The following TIAM1 variants were observed in gnomAD, a reference collection of about 807,000 sequenced individuals.
TIAM1 encodes rho guanine nucleotide exchange factor TIAM1.
Under a neutral mutation model 163.5 loss-of-function variants are expected in TIAM1, and 65 were observed. The observed-to-expected ratio is 0.40, with a 90% confidence interval of 0.33 to 0.49. The LOEUF (loss-of-function observed/expected upper bound fraction) is 0.49, where lower values mean the gene tolerates loss of function less well. TIAM1 is among the 20% of genes least tolerant of loss of function. The pLI, the probability that TIAM1 is intolerant of heterozygous loss-of-function variation, is 0.77. For synonymous variants in TIAM1, 833 were observed against 810.1 expected (o/e 1.03, Z -0.48); for missense variants, 1,789 against 2,044.7 (o/e 0.87, Z 2.41).
intron 2 of TIAM1, among the ~76,000 whole-genome samples, chr21:31,320,709 T>G (rs1036930305): frequency 1.3e-5 from 2 of 151,690 alleles, no homozygotes; most frequent in African/African-American, 4.8e-5. Context: ...AAAAGGAGAG[T>G]TGGGCTGGGC....
chr21:31,418,807 C>A (rs1170433031), intron 2 of TIAM1, among the ~76,000 whole-genome samples: 2 of 152,192 alleles, frequency 1.3e-5, no homozygotes, highest in East Asian at 3.9e-4. Context: ...TGCACAGAAT[C>A]AGCTTCAGAG....
chr21:31,409,365 C>T (rs1180845565), intron 2 of TIAM1, among the ~76,000 whole-genome samples: 1 of 152,226 alleles, frequency 6.6e-6, no homozygotes, highest in Non-Finnish European at 1.5e-5. Flanking sequence ...GCCTCGGCCT[C>T]CCAAAGTGTC....
chr21:31,295,293 A>G lies in TIAM1; in HGVS notation c.-188-18385T>C, dbSNP rs572359360. On this transcript the variant is annotated intron_variant, in intron 2 of 27. Transcript: ENST00000541036. ...AGACCATCCCGGCTAACACGGTGAA[A>G]CCCCGTCTCTACTAAAAATACAAAA... Among the ~76,000 whole-genome samples the G allele has an allele frequency of 3.0e-4, 45 of 152,112 alleles. 1 individual carries two copies. The East Asian group carries it at 7.8e-3, about 26-fold the overall frequency.
At chr21:31,125,530 G>A (rs532635881) in intron 26 of TIAM1, among the ~76,000 whole-genome samples, 5 of 152,290 alleles carry the variant, frequency 3.3e-5, no homozygotes, top group African/African-American at 1.2e-4. Flanking sequence ...ATCTGATGTA[G>A]CAACACAAAA....
intron 12 of TIAM1, among the ~76,000 whole-genome samples, chr21:31,196,140 G>A (rs1052964930): frequency 3.9e-5 from 6 of 152,060 alleles, no homozygotes; most frequent in Admixed American, 3.3e-4. Context: ...AGACATATAT[G>A]TGGCCAATAA....
intron 1 of TIAM1, among the ~76,000 whole-genome samples, chr21:31,544,087 G>A (rs898822736): frequency 5.9e-5 from 9 of 152,122 alleles, no homozygotes; most frequent in Non-Finnish European, 1.2e-4. Context: ...GCAAGTGCCT[G>A]TAATCCCAGC....
chr21:31,524,904 G>T (rs2047727032), intron 1 of TIAM1, among the ~76,000 whole-genome samples: 2 of 152,024 alleles, frequency 1.3e-5, no homozygotes, highest in African/African-American at 4.8e-5. Flanking sequence ...CTGAGACTGT[G>T]TAATTACAAA....
intron 2 of TIAM1, among the ~76,000 whole-genome samples, chr21:31,287,649 G>A (rs199838142): frequency 1.6e-4 from 24 of 152,240 alleles, no homozygotes; most frequent in South Asian, 2.1e-4. Context: ...TAAAAGAGAA[G>A]GGTATAAGCA....
intron 24 of TIAM1, 55 bp downstream of exon 24, chr21:31,130,835 T>C (rs1601198671): frequency 6.5e-7 from 1 of 1,527,086 alleles, no homozygotes; most frequent in Non-Finnish European, 9.1e-7. Context: ...CAGGCATAAC[T>C]GATAAGCAGA....
At chr21:31,267,516 ATTTTTT>A (rs34794925) in intron 3 of TIAM1, among the ~76,000 whole-genome samples, 1 of 138,016 alleles carries the variant, frequency 7.2e-6, no homozygotes, top group African/African-American at 2.7e-5. Context: ...TCGTTTTTTC[ATTTTTT>A]TTTTTTTTTT....
chr21:31,555,468 A>C (rs1301981230), intron 1 of TIAM1, among the ~76,000 whole-genome samples: 4 of 152,196 alleles, frequency 2.6e-5, no homozygotes, highest in African/African-American at 9.7e-5. Flanking sequence ...TTTTTGATAC[A>C]GAAGACCAAA....
chr21:31,371,698 C>A (rs2076599096), intron 2 of TIAM1, among the ~76,000 whole-genome samples: 1 of 152,184 alleles, frequency 6.6e-6, no homozygotes, highest in South Asian at 2.1e-4. Context: ...TTGATGAGGT[C>A]TCCTGGCACC....
intron 1 of TIAM1, among the ~76,000 whole-genome samples, chr21:31,542,912 G>A (rs1309920027): frequency 1.3e-5 from 2 of 152,116 alleles, no homozygotes; most frequent in Non-Finnish European, 2.9e-5. Flanking sequence ...AGGTTGCAGT[G>A]AGCCGAGACT....
chr21:31,319,068 G>C (rs756302176), intron 2 of TIAM1, among the ~76,000 whole-genome samples: 7 of 152,042 alleles, frequency 4.6e-5, no homozygotes, highest in Non-Finnish European at 8.8e-5. Context: ...TGTGTCTCCA[G>C]CACATCACAA....
In TIAM1 at chr21:31,359,555, G is replaced by A. The variant is rs144860401; in HGVS notation, c.-368-20133C>T. The stretch of plus-strand genomic sequence containing the variant: ...CACGCTTGTAATCCCAGCACTTTGG[G>A]AGGCCGAGGCAGGAGGATCACAAAG... On this transcript the variant is annotated intron_variant, in intron 2 of 28. Coordinates refer to the TIAM1 transcript ENST00000286827. Among the ~76,000 whole-genome samples, 428 of 152,216 alleles carry A rather than the reference G, an allele frequency of 2.8e-3. 3 individuals are homozygous for A. Among genetic ancestry groups the A allele is most frequent in the Non-Finnish European group, 3.8e-3 (259 of 68,012 alleles).
chr21:31,346,048 C>T (rs951748146), upstream of TIAM1, among the ~76,000 whole-genome samples: 1 of 151,802 alleles, frequency 6.6e-6, no homozygotes, highest in Non-Finnish European at 1.5e-5. Context: ...GAACATTTGG[C>T]AATATCTGGA....
chr21:31,232,110 T>C (rs62221202), intron 6 of TIAM1, among the ~76,000 whole-genome samples: 9,084 of 152,084 alleles, frequency 0.06, 361 homozygotes, highest in Non-Finnish European at 0.086. Context: ...AATGCCTAGA[T>C]GGTAAATTTT....
At chr21:31,545,353 C>T (rs1238617485) in intron 1 of TIAM1, among the ~76,000 whole-genome samples, 1 of 152,242 alleles carries the variant, frequency 6.6e-6, no homozygotes, top group Admixed American at 6.5e-5. Context: ...ACCTTGATTA[C>T]AGACTTCTAG....
chr21:31,325,667 CAA>C (rs200884558), intron 2 of TIAM1, among the ~76,000 whole-genome samples: 20 of 99,882 alleles, frequency 2.0e-4, no homozygotes, highest in Admixed American at 3.3e-4. Flanking sequence ...GACTCTGACT[CAA>C]AAAAAAAAAA....
Sources: allele counts gnomAD v4.1 joint callset (sites outside exome capture counted in the v4.1 genomes callset), GRCh38; gene constraint gnomAD v4.1.1; transcripts MANE v1.5; gene names NCBI Gene and HGNC (gene_info 2026-07-23, HGNC 2026-07-21).